Variants in SFMBT2 observed in about 807,000 individuals in gnomAD.
SFMBT2 encodes scm-like with four MBT domains protein 2.
SFMBT2 carries 38 observed loss-of-function variants against 110.1 expected under a neutral mutation model. The ratio of observed to expected loss-of-function variants is 0.35; its 90% CI spans 0.27 to 0.45. The LOEUF is 0.45. Ranked by LOEUF, SFMBT2 falls within the 20% of genes least tolerant of loss-of-function variation. SFMBT2 has a pLI of 1.00. For missense variants in SFMBT2, 1,011 were observed against 1,094.9 expected (o/e 0.92, Z 1.08); for synonymous variants, 425 against 425.4 (o/e 1.00, Z 0.01).
At chr10:7,395,528 T>C (rs987455456) in intron 1 of SFMBT2, among the ~76,000 whole-genome samples, 1 of 152,252 alleles carries the variant, frequency 6.6e-6, no homozygotes, top group African/African-American at 2.4e-5. Flanking sequence ...AATTTCCTCA[T>C]CTCCGTTTTC....
intron 7 of SFMBT2, among the ~76,000 whole-genome samples, chr10:7,256,941 A>T (rs1841025363): frequency 6.6e-6 from 1 of 151,872 alleles, no homozygotes. Context: ...AAAATATAAA[A>T]ATTAGCTGGG....
intron 9 of SFMBT2, among the ~76,000 whole-genome samples, chr10:7,229,027 A>G (rs1840032930): frequency 6.6e-6 from 1 of 152,252 alleles, no homozygotes; most frequent in South Asian, 2.1e-4. Flanking sequence ...CCTTCCTGTA[A>G]ACAAGCAAAG....
chr10:7,294,739 A>C (rs192782883), intron 4 of SFMBT2, among the ~76,000 whole-genome samples: 1 of 152,354 alleles, frequency 6.6e-6, no homozygotes, highest in Admixed American at 6.5e-5. Context: ...CTCCAAAGTC[A>C]TTCTTACAAC....
At chr10:7,406,366 G>A (rs987680809) in intron 1 of SFMBT2, among the ~76,000 whole-genome samples, 1 of 151,302 alleles carries the variant, frequency 6.6e-6, no homozygotes, top group African/African-American at 2.4e-5. Context: ...AAAGTATCCT[G>A]TATCAATTAC....
chr10:7,394,258 C>T (rs2132111204), intron 1 of SFMBT2, among the ~76,000 whole-genome samples: 1 of 152,224 alleles, frequency 6.6e-6, no homozygotes, highest in African/African-American at 2.4e-5. Context: ...TTTTTTATAT[C>T]AGAGTTACAT....
intron 4 of SFMBT2, among the ~76,000 whole-genome samples, chr10:7,351,657 G>A (rs1844319390): frequency 6.6e-6 from 1 of 152,108 alleles, no homozygotes; most frequent in Admixed American, 6.6e-5. Context: ...TATAGCACAG[G>A]CAAGTATGAT....
intron 10 of SFMBT2, among the ~76,000 whole-genome samples, chr10:7,223,028 A>G (rs1201131654): frequency 6.6e-6 from 1 of 152,004 alleles, no homozygotes; most frequent in Non-Finnish European, 1.5e-5. Flanking sequence ...TATCTTAATT[A>G]CTTCTTTAAA....
chr10:7,391,007 G>A (rs1336939190), intron 1 of SFMBT2, among the ~76,000 whole-genome samples: 2 of 152,092 alleles, frequency 1.3e-5, no homozygotes, highest in Non-Finnish European at 2.9e-5. Flanking sequence ...GGCTGAGGCA[G>A]GAGAATCACT....
At position 7,170,693 on chromosome 10, in the gene SFMBT2, G is replaced by A. The variant is rs753115278; in HGVS notation, c.2544+235C>T. On this transcript the variant is annotated intron_variant, in intron 20 of 20. Coordinates refer to ENST00000397167, the MANE Select transcript of SFMBT2 (RefSeq NM_001387889.1). This position sits in a 1 kb window ranked among gnomAD's most constrained non-coding sequence, Gnocchi z 4.6. Reference sequence around the variant, plus strand: ...TAGAGCCTGGAAGAGTCACCCCTCCGCCCCCCACCATGGCACTGGTGGGGC... The same window carrying A: ...TAGAGCCTGGAAGAGTCACCCCTCCACCCCCCACCATGGCACTGGTGGGGC... 2.4e-4 allele frequency among the ~76,000 whole-genome samples: 37 copies of A among 152,058 alleles called. No homozygotes were observed. Among genetic ancestry groups the A allele is most frequent in the South Asian group, 1.0e-3 (5 of 4,810 alleles).
intron 12 of SFMBT2, 42 bp downstream of exon 12, chr10:7,205,773 T>C (rs1428420992): frequency 1.3e-6 from 2 of 1,598,158 alleles, no homozygotes; most frequent in Non-Finnish European, 1.7e-6. Flanking sequence ...TTCACAAAGA[T>C]CACTGGTGTC....
chr10:7,227,842 A>C lies in SFMBT2; in HGVS notation c.1203+13T>G. ...ATGATTTTTAAAAATTAGGTAAGAG[A>C]GAAGCTTCTTACATTTCGGAAGCAG... On this transcript the variant is annotated intron_variant, in intron 10 of 20. Coordinates refer to ENST00000397167, the MANE Select transcript of SFMBT2 (RefSeq NM_001387889.1). 1 of 1,593,896 alleles carries C rather than the reference A, an allele frequency of 6.3e-7. No individual in the cohort carries two copies. The highest frequency in any genetic ancestry group is 8.5e-7 in the Non-Finnish European group (1 of 1,169,980).
chr10:7,301,053 GGTAACTCA>G lies in SFMBT2; in HGVS notation c.437-15107_437-15100del, dbSNP rs751005541. On this transcript the variant is annotated intron_variant, in intron 4 of 20. Coordinates refer to ENST00000397167, the MANE Select transcript of SFMBT2 (RefSeq NM_001387889.1). This position sits in a 1 kb window ranked among gnomAD's most constrained non-coding sequence, Gnocchi z 4.2. ...CATATGGAAAACAGGAATGTAAGCA[GGTAACTCA>G]GTGAAGGAAGGAGTAAACCCCAGAT... 6.6e-6 allele frequency among the ~76,000 whole-genome samples: 1 copy of G among 152,186 alleles called. No individual in the cohort carries two copies. Among genetic ancestry groups the G allele is most frequent in the Non-Finnish European group, 1.5e-5 (1 of 68,030 alleles).
intron 1 of SFMBT2, among the ~76,000 whole-genome samples, chr10:7,398,850 T>C (rs1845993844): frequency 6.6e-6 from 1 of 152,220 alleles, no homozygotes; most frequent in African/African-American, 2.4e-5. Context: ...TCATTTTAAG[T>C]AGATCATGTG....
At chr10:7,383,445 G>A (rs2254910) in intron 1 of SFMBT2, among the ~76,000 whole-genome samples, 142,471 of 152,316 alleles carry the variant, frequency 0.94, 66,743 homozygotes, top group East Asian at 1. Flanking sequence ...AAGAGATGGG[G>A]AATGTACCAG....
chr10:7,364,284 A>C (rs992822710), intron 4 of SFMBT2, among the ~76,000 whole-genome samples: 20 of 152,244 alleles, frequency 1.3e-4, no homozygotes, highest in Non-Finnish European at 1.5e-5. Flanking sequence ...ATAAGTTGTT[A>C]ACAATTGAAA....
intron 4 of SFMBT2, among the ~76,000 whole-genome samples, chr10:7,340,047 T>A (rs1843841785): frequency 6.6e-6 from 1 of 152,206 alleles, no homozygotes; most frequent in Admixed American, 6.5e-5. Flanking sequence ...GTGAAAGCCA[T>A]GCAGGTTCCT....
At chr10:7,278,709 C>T (rs917430358) in intron 6 of SFMBT2, among the ~76,000 whole-genome samples, 6 of 152,164 alleles carry the variant, frequency 3.9e-5, no homozygotes, top group African/African-American at 7.2e-5. Context: ...CTGGCTGACA[C>T]CTTTGGCCCC....
At chr10:7,309,641 A>G (rs1414704418) in intron 4 of SFMBT2, among the ~76,000 whole-genome samples, 1 of 148,692 alleles carries the variant, frequency 6.7e-6, no homozygotes, top group African/African-American at 2.5e-5. Flanking sequence ...GACCTGTCGC[A>G]GCAGCTACTG....
chr10:7,335,213 T>C (rs1843680665), intron 4 of SFMBT2, among the ~76,000 whole-genome samples: 1 of 152,172 alleles, frequency 6.6e-6, no homozygotes. Context: ...CTCCGGCCCA[T>C]GGTGATGGCT....
Sources: gnomAD v4.1 joint callset for allele counts (sites outside exome capture counted in the v4.1 genomes callset) on GRCh38, gnomAD v4.1.1 for gene constraint, Gnocchi (gnomAD v3.1) non-coding constraint, MANE v1.5 for transcripts, NCBI Gene and HGNC (gene_info 2026-07-23, HGNC 2026-07-21) for gene names.